BICC1: variants seen among roughly 807,000 people sequenced by gnomAD.
The protein encoded by BICC1 is BicC family RNA binding protein 1, also known as protein bicaudal C homolog 1.
BICC1 carries 43 observed loss-of-function variants against 111.0 expected under a neutral mutation model. That is an observed-to-expected ratio of 0.39 (90% CI 0.30 to 0.50). The LOEUF (loss-of-function observed/expected upper bound fraction) is 0.50. BICC1 is among the 20% of genes least tolerant of loss of function. The probability of loss-of-function intolerance (pLI) is 0.88; values close to 1 mark genes in which losing one functional copy is unlikely to be tolerated. For missense variants in BICC1, 1,091 were observed against 1,203.2 expected (o/e 0.91, Z 1.38); for synonymous variants, 467 against 434.4 (o/e 1.07, Z -0.93).
chr10:58,651,207 A>G (rs1182156212), intron 2 of BICC1, among the ~76,000 whole-genome samples: 1 of 152,180 alleles, frequency 6.6e-6, no homozygotes, highest in East Asian at 1.9e-4. Flanking sequence ...GTTCACAAAT[A>G]CTTCCTCTGC....
chr10:58,660,724 A>G (rs1188369313), intron 2 of BICC1, among the ~76,000 whole-genome samples: 1 of 152,070 alleles, frequency 6.6e-6, no homozygotes, highest in Non-Finnish European at 1.5e-5. Context: ...CCAGTCTCAT[A>G]GGACTGATGC....
In BICC1 at chr10:58,649,215, G is replaced by T. The variant is rs138179687; in HGVS notation, c.237+28314G>T. On this transcript the variant is annotated intron_variant, in intron 2 of 20. Coordinates refer to ENST00000373886, the MANE Select transcript of BICC1 (RefSeq NM_001080512.3). ...TAAATATTGGGCATGTCTACAAGAG[G>T]AGGAGGCCAGAGTTTCTTTCCCTGG... 5.5e-3 allele frequency among the ~76,000 whole-genome samples: 839 copies of T among 152,320 alleles called. 11 individuals carry two copies. Among genetic ancestry groups the T allele is most frequent in the African/African-American group, 0.019 (809 of 41,556 alleles).
chr10:58,577,258 A>G (rs1456883216), intron 1 of BICC1, among the ~76,000 whole-genome samples: 1 of 152,196 alleles, frequency 6.6e-6, no homozygotes, highest in Non-Finnish European at 1.5e-5. Context: ...TGAGAGAACA[A>G]TGAGGCTCAC....
intron 1 of BICC1, among the ~76,000 whole-genome samples, chr10:58,619,611 A>G (rs1845732604): frequency 6.6e-6 from 1 of 152,016 alleles, no homozygotes; most frequent in Non-Finnish European, 1.5e-5. Context: ...AATAGCTGGA[A>G]CTACAGGCGC....
Position 58,776,400 on chromosome 10 carries a change from A to T in BICC1, c.308-8601A>T, listed in dbSNP as rs1303753063. On this transcript the variant is annotated intron_variant, in intron 3 of 20. Transcript: ENST00000373886. ...AATACCTCTGGGACCTGTCATGCAC[A>T]CTGTGAACATCAGTATTCCTGGGAG... 3.3e-5 allele frequency among the ~76,000 whole-genome samples: 5 copies of T among 152,332 alleles called. No homozygotes were observed. In the East Asian group the frequency reaches 9.6e-4, roughly 29 times the overall value.
chr10:58,586,785 CAT>C (rs1246672731), intron 1 of BICC1, among the ~76,000 whole-genome samples: 5 of 152,216 alleles, frequency 3.3e-5, no homozygotes, highest in African/African-American at 9.6e-5. Flanking sequence ...TTCCCATAAA[CAT>C]ATGGATATCA....
intron 2 of BICC1, among the ~76,000 whole-genome samples, chr10:58,691,811 T>C (rs1026394550): frequency 6.6e-6 from 1 of 152,178 alleles, no homozygotes; most frequent in Non-Finnish European, 1.5e-5. Flanking sequence ...AGGGTTTTTT[T>C]CTCCATTATC....
intron 1 of BICC1, among the ~76,000 whole-genome samples, chr10:58,593,139 A>G (rs1034756677): frequency 6.6e-6 from 1 of 152,054 alleles, no homozygotes; most frequent in African/African-American, 2.4e-5. Context: ...GGAAGTTCGA[A>G]CTGGGTGGAG....
intron 2 of BICC1, among the ~76,000 whole-genome samples, chr10:58,690,428 T>G (rs181528828): frequency 6.6e-6 from 1 of 152,324 alleles, no homozygotes; most frequent in East Asian, 1.9e-4. Flanking sequence ...CTCTGTTAGT[T>G]TGAGTCGCTG....
intron 1 of BICC1, among the ~76,000 whole-genome samples, chr10:58,562,500 C>T (rs1456034431): frequency 2.0e-5 from 3 of 151,988 alleles, no homozygotes; most frequent in Non-Finnish European, 4.4e-5. Context: ...TTGAATTTCT[C>T]ATTTAGATCA....
chr10:58,750,852 C>T (rs778693657), intron 3 of BICC1, among the ~76,000 whole-genome samples: 5 of 152,112 alleles, frequency 3.3e-5, no homozygotes, highest in Non-Finnish European at 5.9e-5. Context: ...TCTTTACTCT[C>T]TTGAAGCCAC....
intron 2 of BICC1, among the ~76,000 whole-genome samples, chr10:58,639,495 AG>A (rs1482524358): frequency 8.0e-5 from 12 of 150,256 alleles, no homozygotes. Context: ...CCTGGGTTCA[AG>A]CAATTCTCCT....
intron 1 of BICC1, among the ~76,000 whole-genome samples, chr10:58,524,953 A>G (rs1165603344): frequency 6.6e-6 from 1 of 152,120 alleles, no homozygotes; most frequent in East Asian, 1.9e-4. Flanking sequence ...CAACAGACAC[A>G]TGAAAAAATG....
At position 58,799,079 on chromosome 10, in the gene BICC1, A is replaced by C. The variant is rs1589150198; in HGVS notation, c.1552A>C (p.Met518Leu). 6.2e-7 allele frequency: 1 copy of C among 1,611,596 alleles called. No homozygotes were observed. The highest frequency in any genetic ancestry group is 8.5e-7 in the Non-Finnish European group (1 of 1,178,378). ...ATGFSAIPHL[M>L]IPSTAQATLT... ...AGGTTTTTCTGCTATACCACACCTT[A>C]TGATTCCATCTACTGCCCAAGCCAC... Residue 518 changes from methionine (M) to leucine (L), a missense_variant, in exon 12 of 21, where the codon ATG (methionine) becomes CTG (leucine). Transcript: ENST00000373886.
At chr10:58,813,298 T>G (rs1843970795) in intron 17 of BICC1, among the ~76,000 whole-genome samples, 1 of 152,174 alleles carries the variant, frequency 6.6e-6, no homozygotes, top group South Asian at 2.1e-4. Context: ...GATAAATTAC[T>G]CCAGGTATGT....
chr10:58,662,197 G>A (rs1327812361), intron 2 of BICC1, among the ~76,000 whole-genome samples: 2 of 152,080 alleles, frequency 1.3e-5, no homozygotes, highest in East Asian at 3.9e-4. Flanking sequence ...AAATACAAAT[G>A]ACACATATCT....
At chr10:58,792,441 A>T (rs1018616716) in intron 8 of BICC1, among the ~76,000 whole-genome samples, 1 of 152,202 alleles carries the variant, frequency 6.6e-6, no homozygotes, top group Non-Finnish European at 1.5e-5. Context: ...AATACTGGTC[A>T]GTGGTCTGTT....
intron 3 of BICC1, among the ~76,000 whole-genome samples, chr10:58,745,591 A>C (rs1252994118): frequency 1.3e-5 from 1 of 76,796 alleles, no homozygotes; most frequent in Non-Finnish European, 2.7e-5. Context: ...CAGCTCTAAG[A>C]GCCCCCCACC....
At chr10:58,544,215 G>A (rs961331784) in intron 1 of BICC1, among the ~76,000 whole-genome samples, 1 of 152,112 alleles carries the variant, frequency 6.6e-6, no homozygotes, top group Non-Finnish European at 1.5e-5. Flanking sequence ...AAAGGATTCA[G>A]TTATTTTCAA....
Sources: allele counts gnomAD v4.1 joint callset (sites outside exome capture counted in the v4.1 genomes callset), GRCh38; gene constraint gnomAD v4.1.1; transcripts MANE v1.5; gene names NCBI Gene and HGNC (gene_info 2026-07-23, HGNC 2026-07-21).